STPG2: variants seen among roughly 807,000 people sequenced by gnomAD.
STPG2 encodes sperm tail PG-rich repeat containing 2, also known as sperm-tail PG-rich repeat-containing protein 2.
STPG2 carries 56 observed loss-of-function variants against 54.2 expected under a neutral mutation model. The ratio of observed to expected loss-of-function variants is 1.03; its 90% confidence interval spans 0.83 to 1.29. The LOEUF is 1.29. Among genes scored for constraint, STPG2 ranks in the 50% most tolerant of loss-of-function variants. The pLI is 0.00. For synonymous variants in STPG2, 200 were observed against 181.8 expected, an observed-to-expected ratio of 1.10 and a Z score of -0.81; for missense variants, 596 against 544.9, an observed-to-expected ratio of 1.09 and a Z score of -0.93.
intron 5 of STPG2, among the ~76,000 whole-genome samples, chr4:98,044,351 T>G (rs1737061396): frequency 6.6e-6 from 1 of 152,192 alleles, no homozygotes. Flanking sequence ...TCTTTAGCAA[T>G]TTGGTCACAA....
At chr4:97,566,427 T>G (rs1231747288) in intron 10 of STPG2, among the ~76,000 whole-genome samples, 1 of 152,178 alleles carries the variant, frequency 6.6e-6, no homozygotes, top group African/African-American at 2.4e-5. Context: ...GGCTAGCACA[T>G]GGCGTGCTGC....
chr4:97,796,670 T>A (rs1407575915), intron 9 of STPG2, among the ~76,000 whole-genome samples: 1 of 152,198 alleles, frequency 6.6e-6, no homozygotes, highest in African/African-American at 2.4e-5. Flanking sequence ...CTTAGGATTG[T>A]CTTGGCAATG....
chr4:97,491,019 A>G (rs1730493073), intron 4 of STPG2, among the ~76,000 whole-genome samples: 1 of 151,202 alleles, frequency 6.6e-6, no homozygotes, highest in Admixed American at 6.6e-5. Context: ...TTTTTGGATT[A>G]TTTTTTCCTA....
At chr4:97,614,523 T>A (rs1043038325) in intron 10 of STPG2, among the ~76,000 whole-genome samples, 5 of 152,082 alleles carry the variant, frequency 3.3e-5, no homozygotes, top group Non-Finnish European at 7.4e-5. Context: ...ATGTTATCAG[T>A]CTTTGGCCCT....
intron 7 of STPG2, among the ~76,000 whole-genome samples, chr4:97,946,215 A>G (rs1481475449): frequency 1.3e-5 from 2 of 152,060 alleles, no homozygotes; most frequent in Non-Finnish European, 2.9e-5. Context: ...ATATCTATTC[A>G]TGTCAGTTGC....
intron 4 of STPG2, among the ~76,000 whole-genome samples, chr4:97,535,852 A>T (rs1244801229): frequency 6.6e-6 from 1 of 152,184 alleles, no homozygotes; most frequent in Non-Finnish European, 1.5e-5. Context: ...CTGAGGCTAT[A>T]GTTCCATATG....
intron 10 of STPG2, among the ~76,000 whole-genome samples, chr4:97,610,828 T>A (rs1254389582): frequency 6.7e-6 from 1 of 149,886 alleles, no homozygotes; most frequent in Non-Finnish European, 1.5e-5. Flanking sequence ...AACAATAACA[T>A]GCCAGTTATA....
intron 10 of STPG2, among the ~76,000 whole-genome samples, chr4:97,647,732 C>T (rs766245613): frequency 3.3e-5 from 5 of 152,112 alleles, no homozygotes; most frequent in East Asian, 1.9e-4. Context: ...AGCATTTGTC[C>T]GCCAAGATGC....
chr4:97,684,048 A>G (rs1723113707), intron 10 of STPG2, among the ~76,000 whole-genome samples: 1 of 151,888 alleles, frequency 6.6e-6, no homozygotes, highest in Non-Finnish European at 1.5e-5. Flanking sequence ...TAAACTTGAC[A>G]AAATAGGTAC....
intron 8 of STPG2, among the ~76,000 whole-genome samples, chr4:97,880,720 G>A (rs1446458590): frequency 6.6e-6 from 1 of 151,812 alleles, no homozygotes; most frequent in African/African-American, 2.4e-5. Context: ...TTTTTTTCCT[G>A]AGCATTTTTG....
At chr4:97,573,778 G>A (rs1489710355) in intron 10 of STPG2, among the ~76,000 whole-genome samples, 1 of 152,006 alleles carries the variant, frequency 6.6e-6, no homozygotes, top group African/African-American at 2.4e-5. Context: ...AGCATTATGA[G>A]CTAATGTGGC....
At chr4:97,945,747 G>A (rs760050115) in intron 7 of STPG2, among the ~76,000 whole-genome samples, 1 of 151,958 alleles carries the variant, frequency 6.6e-6, no homozygotes, top group African/African-American at 2.4e-5. Flanking sequence ...ATTGGTTTTT[G>A]TTCGTTACTT....
chr4:97,471,138 T>C (rs1729916610), intron 4 of STPG2, among the ~76,000 whole-genome samples: 1 of 152,148 alleles, frequency 6.6e-6, no homozygotes, highest in Non-Finnish European at 1.5e-5. Flanking sequence ...AGAATGGCAA[T>C]TTAAAACTTA....
At chr4:98,101,876 C>A (rs372815390) in intron 5 of STPG2, among the ~76,000 whole-genome samples, 4 of 150,884 alleles carry the variant, frequency 2.7e-5, no homozygotes, top group African/African-American at 4.9e-5. Context: ...CCCCCTCCCC[C>A]CCGACCTTAG....
intron 5 of STPG2, among the ~76,000 whole-genome samples, chr4:98,020,761 C>A (rs1248325712): frequency 1.3e-5 from 2 of 152,236 alleles, no homozygotes; most frequent in South Asian, 2.1e-4. Flanking sequence ...GTGTATGTGT[C>A]CAGGAATTTA....
At chr4:97,719,909 T>C (rs1187656023) in intron 9 of STPG2, among the ~76,000 whole-genome samples, 1 of 152,038 alleles carries the variant, frequency 6.6e-6, no homozygotes, top group Non-Finnish European at 1.5e-5. Flanking sequence ...ACATAAATAT[T>C]TGTAAACATG....
chr4:98,063,009 C>A (rs1489150768), intron 5 of STPG2, among the ~76,000 whole-genome samples: 2 of 152,054 alleles, frequency 1.3e-5, no homozygotes, highest in Non-Finnish European at 2.9e-5. Flanking sequence ...CTCAGCCTCC[C>A]AAAGTGCTAG....
At position 98,118,269 on chromosome 4, in the gene STPG2, C is replaced by A. The variant is rs116621210; in HGVS notation, c.388-8964G>T. The stretch of plus-strand genomic sequence containing the variant: ...TTTTAATGCTCAAGCGGTCAATTTA[C>A]AAATCTGTGTTTAGCCATCACTTCC... On this transcript the variant is annotated intron_variant, in intron 3 of 10. Coordinates refer to ENST00000295268, the MANE Select transcript of STPG2 (RefSeq NM_174952.3). 4.6e-3 allele frequency among the ~76,000 whole-genome samples: 701 copies of A among 152,172 alleles called. 4 individuals carry two copies. Among genetic ancestry groups the A allele is most frequent in the Non-Finnish European group, 7.8e-3 (528 of 67,978 alleles).
chr4:97,632,963 G>C (rs1006884963), intron 10 of STPG2, among the ~76,000 whole-genome samples: 14 of 152,178 alleles, frequency 9.2e-5, no homozygotes, highest in Admixed American at 6.5e-4. Flanking sequence ...GGGATGGAAA[G>C]ATGGTAGATA....
Sources: allele counts gnomAD v4.1 joint callset (sites outside exome capture counted in the v4.1 genomes callset), GRCh38; gene constraint gnomAD v4.1.1; transcripts MANE v1.5; gene names NCBI Gene and HGNC (gene_info 2026-07-23, HGNC 2026-07-21).